The following CIAO3 variants were observed in gnomAD, a reference collection of about 807,000 sequenced individuals.
CIAO3 encodes cytosolic iron-sulfur assembly component 3.
CIAO3 carries 45 observed loss-of-function variants against 51.5 expected under a neutral mutation model. The ratio of observed to expected loss-of-function variants is 0.87; its 90% CI spans 0.69 to 1.12. The LOEUF (loss-of-function observed/expected upper bound fraction) is 1.12. Ranked by LOEUF, CIAO3 falls within the 50% of genes most tolerant of loss-of-function variation. The pLI, the probability that CIAO3 is intolerant of heterozygous loss-of-function variation, is 0.00. For synonymous variants in CIAO3, 314 were observed against 269.3 expected, an observed-to-expected ratio of 1.17 and a Z score of -1.63; for missense variants, 668 against 632.5, an observed-to-expected ratio of 1.06 and a Z score of -0.60.
At chr16:731,358 G>A (rs1359476615) in intron 9 of CIAO3, 1 of 688,008 alleles carries the variant, frequency 1.5e-6, no homozygotes. Context: ...CCCCACAATG[G>A]GCCGACTGAG....
At position 730,608 on chromosome 16, in the gene CIAO3, TGCTGGGCCTGTCTGGGGCCTGGA is replaced by T; in HGVS notation, c.1217_1239del (p.Leu406GlnfsTer17). On this transcript the variant is annotated frameshift_variant, in exon 11 of 11. Coordinates refer to ENST00000251588, the MANE Select transcript of CIAO3 (RefSeq NM_022493.3). LOFTEE classifies it low-confidence loss of function (END_TRUNC). Reference sequence around the variant, plus strand: ...CTCTCCACGTGCTGGAGGAGCTCTCTGCTGGGCCTGTCTGGGGCCTGGAGCTGGCCCCCGCCGTTCAGGCAGCC... The same window carrying T: ...CTCTCCACGTGCTGGAGGAGCTCTCTGCTGGCCCCCGCCGTTCAGGCAGCC... 3.7e-6 allele frequency: 6 copies of T among 1,610,540 alleles called. No homozygotes were observed. Among genetic ancestry groups the T allele is most frequent in the Non-Finnish European group, 5.1e-6 (6 of 1,179,956 alleles).
intron 7 of CIAO3, 189 bp downstream of exon 7, chr16:733,107 CAA>C (rs773538929): frequency 7.5e-6 from 5 of 669,948 alleles, no homozygotes; most frequent in African/African-American, 1.8e-5. Flanking sequence ...TGCAGGTCCC[CAA>C]GACAGGCCAG....
intron 9 of CIAO3, 117 bp from the exon 10 acceptor site, chr16:731,117 C>T: frequency 7.5e-7 from 1 of 1,338,710 alleles, no homozygotes; most frequent in Non-Finnish European, 1.0e-6. Context: ...GGCTCTCTCC[C>T]TCTCTCCTGG....
intron 7 of CIAO3, chr16:732,758 T>A (rs1287105808): frequency 5.7e-6 from 2 of 349,756 alleles, no homozygotes; most frequent in East Asian, 1.5e-4. Flanking sequence ...TGCCTCAGCC[T>A]CCCGAGTAGC....
At chr16:734,997 C>CG in intron 4 of CIAO3, 126 bp from the exon 5 acceptor site, 1 of 1,313,354 alleles carries the variant, frequency 7.6e-7, no homozygotes, top group Non-Finnish European at 1.0e-6. Flanking sequence ...TGCCAAAGCC[C>CG]CGGCCCCACC....
Position 731,003 on chromosome 16 carries a change from G to A in CIAO3, c.1035-3C>T, listed in dbSNP as rs757446577. ...TCACCTCCTGGAAGTCTTTGTTCCT[G>A]GGGGGCACAGGCGGGGTTTGTCTAC... On this transcript the variant is annotated splice_region_variant and splice_polypyrimidine_tract_variant and intron_variant, in intron 9 of 10. Transcript: ENST00000251588. The A allele has an allele frequency of 6.2e-7, 1 of 1,612,452 alleles. No individual in the cohort carries two copies. The highest frequency in any genetic ancestry group is 8.5e-7 in the Non-Finnish European group (1 of 1,179,774).
At chr16:732,926 A>G in intron 7 of CIAO3, 2 of 317,026 alleles carry the variant, frequency 6.3e-6, no homozygotes, top group South Asian at 5.8e-5. Flanking sequence ...GTGAGCCACC[A>G]TGCCCGGCCA....
In CIAO3 at chr16:734,267, TGACCTGCTGCGGG is replaced by T. The variant is rs1204676917; in HGVS notation, c.642_654del (p.Pro215TrpfsTer15). The T allele has an allele frequency of 2.9e-5, 46 of 1,611,972 alleles. No individual in the cohort carries two copies. The highest frequency in any genetic ancestry group is 3.7e-5 in the Non-Finnish European group (44 of 1,179,902). On this transcript the variant is annotated frameshift_variant, in exon 6 of 11. Coordinates refer to ENST00000251588, the MANE Select transcript of CIAO3 (RefSeq NM_022493.3). LOFTEE classifies it high-confidence loss of function. ...AAGAAGTCCTTGACCAGGGAGCCCA[TGACCTGCTGCGGG>T]GACCGGGCGGTGCTGATGTGGGGGA...
intron 9 of CIAO3, 153 bp from the exon 10 acceptor site, chr16:731,153 G>A: frequency 9.8e-7 from 1 of 1,018,016 alleles, no homozygotes. Context: ...AGAACGGAGA[G>A]AGAGGGTGGA....
At chr16:731,147 C>T (rs1334655666) in intron 9 of CIAO3, 147 bp from the exon 10 acceptor site, 48 of 1,052,566 alleles carry the variant, frequency 4.6e-5, no homozygotes, top group South Asian at 3.7e-4. Flanking sequence ...AGGACAAGAA[C>T]GGAGAGAGAG....
Position 729,878 on chromosome 16 carries a change from G to A in CIAO3, c.*539C>T, listed in dbSNP as rs930495611. On this transcript the variant is annotated 3_prime_UTR_variant, in exon 11 of 11. Coordinates refer to ENST00000251588, the MANE Select transcript of CIAO3 (RefSeq NM_022493.3). ...TGCTGCTTCGTACTTGGCTTGCCCC[G>A]GACCACAGCCTCGTAACGGTAACCC... 9 of 431,638 alleles carry A rather than the reference G, an allele frequency of 2.1e-5. No homozygotes were observed. Among genetic ancestry groups the A allele is most frequent in the Admixed American group, 8.7e-5 (2 of 23,024 alleles). The allele number at this position is 431,638 out of a possible 1,614,324, so 26.7% of individuals were successfully genotyped here. A position where few individuals can be genotyped will look rare whatever the true frequency, so the allele number is the denominator to read the frequency against.
chr16:739,629 C>T lies in CIAO3; in HGVS notation c.162+14G>A, dbSNP rs368314240. On this transcript the variant is annotated intron_variant, in intron 2 of 10. Coordinates refer to ENST00000251588, the MANE Select transcript of CIAO3 (RefSeq NM_022493.3). ...CGGGCAGGAGAGATGGTGGAGCAGC[C>T]TCCTGTGCCTTACTTGGTTAATTTG... is the stretch of plus-strand genomic sequence containing the variant. The T allele has an allele frequency of 1.9e-6, 3 of 1,612,772 alleles. No individual in the cohort carries two copies. The highest frequency in any genetic ancestry group is 2.5e-6 in the Non-Finnish European group (3 of 1,178,802).
intron 2 of CIAO3, among the ~76,000 whole-genome samples, chr16:738,797 G>A (rs945996235): frequency 1.3e-5 from 2 of 151,116 alleles, no homozygotes; most frequent in African/African-American, 2.4e-5. Flanking sequence ...ACAGGCATGC[G>A]CCACGACACC....
intron 3 of CIAO3, chr16:736,970 T>A: frequency 1.6e-6 from 1 of 610,296 alleles, no homozygotes; most frequent in Non-Finnish European, 2.8e-6. Flanking sequence ...AGTAGGGGTG[T>A]CATTTTGATG....
rs368751001 is a variant in CIAO3, at chr16:730,435, G to A, written c.1413C>T (p.Gly471=). 12 of 1,603,264 alleles carry A rather than the reference G, an allele frequency of 7.5e-6. No individual in the cohort carries two copies. The African/African-American group carries it at 1.2e-4, about 16-fold the overall frequency. ...GCAGCCCCTACCACCGGATGCCCAG[G>A]CCAGTGCTGGCCTTCTCCACGGCGT... ...QYHAVEKAST[G]LGIRW Residue 471 remains glycine, a synonymous_variant, in exon 11 of 11, where the codon GGC becomes GGT. Coordinates refer to ENST00000251588, the MANE Select transcript of CIAO3 (RefSeq NM_022493.3).
chr16:731,376 G>A lies in CIAO3; in HGVS notation c.1034+189C>T. 3.9e-6 allele frequency: 3 copies of A among 763,326 alleles called. No individual in the cohort carries two copies. The Admixed American group carries it at 9.9e-5, about 25-fold the overall frequency. 47.3% of individuals were successfully genotyped at this position (763,326 alleles called of 1,614,324 possible). A position where few individuals can be genotyped will look rare whatever the true frequency, so the allele number is the denominator to read the frequency against. ...CACAATGGGCCGACTGAGGCCTGGAGTGCTTAGGTGCCTTCACACCCTGAG... is the reference window on the plus strand; with the variant it reads ...CACAATGGGCCGACTGAGGCCTGGAATGCTTAGGTGCCTTCACACCCTGAG... On this transcript the variant is annotated intron_variant, in intron 9 of 10. Transcript: ENST00000251588.
rs1246298635 is a variant in CIAO3, at chr16:733,689, C to G, written c.694-262G>C. 49 of 496,428 alleles carry G rather than the reference C, an allele frequency of 9.9e-5. 1 individual carries two copies. The highest frequency in any genetic ancestry group is 9.8e-4 in the South Asian group (47 of 48,124). The allele number at this position is 496,428 out of a possible 1,614,324, so 30.8% of individuals were successfully genotyped here. On this transcript the variant is annotated intron_variant, in intron 6 of 10. Transcript: ENST00000251588. ...AGTCCAGCGGAGGAGAAGTGGCCTTCCCACGGCTCGGGCCGTCTCACTGCA... is the reference window on the plus strand; with the variant it reads ...AGTCCAGCGGAGGAGAAGTGGCCTTGCCACGGCTCGGGCCGTCTCACTGCA...
intron 1 of CIAO3, 154 bp from the exon 2 acceptor site, chr16:739,892 C>T (rs191745389): frequency 3.3e-6 from 4 of 1,199,140 alleles, no homozygotes; most frequent in East Asian, 5.0e-5. Context: ...CGTCTTCTTC[C>T]TGCCCCACTG....
At position 730,210 on chromosome 16, in the gene CIAO3, C is replaced by A. The variant is rs959288855; in HGVS notation, c.*207G>T. Reference sequence around the variant, plus strand: ...TTCTGCTGCCTGGGCCACCCCACCCCACCTGGGCAGAGCCAGTGGGAACCC... The same window carrying A: ...TTCTGCTGCCTGGGCCACCCCACCCAACCTGGGCAGAGCCAGTGGGAACCC... On this transcript the variant is annotated 3_prime_UTR_variant, in exon 11 of 11. Coordinates refer to ENST00000251588, the MANE Select transcript of CIAO3 (RefSeq NM_022493.3). The A allele has an allele frequency of 6.6e-6, 4 of 607,374 alleles. No individual in the cohort carries two copies. Among genetic ancestry groups the A allele is most frequent in the Admixed American group, 5.9e-5 (2 of 33,908 alleles). The allele number at this position is 607,374 out of a possible 1,614,324, so 37.6% of individuals were successfully genotyped here.
Sources: gnomAD v4.1 joint callset for allele counts (sites outside exome capture counted in the v4.1 genomes callset) on GRCh38, gnomAD v4.1.1 for gene constraint, MANE v1.5 for transcripts, NCBI Gene and HGNC (gene_info 2026-07-23, HGNC 2026-07-21) for gene names.